The following PTPRD variants were observed in gnomAD, a reference collection of about 807,000 sequenced individuals.
PTPRD encodes protein tyrosine phosphatase receptor type D.
Under a neutral mutation model 214.5 loss-of-function variants are expected in PTPRD, and 34 were observed. The ratio of observed to expected loss-of-function variants is 0.16; its 90% confidence interval spans 0.12 to 0.21. The LOEUF is 0.21. Ranked by LOEUF, PTPRD falls within the 10% of genes least tolerant of loss-of-function variation. The pLI, the probability that PTPRD is intolerant of heterozygous loss-of-function variation, is 1.00. For synonymous variants in PTPRD, 1,128 were observed against 845.7 expected, an observed-to-expected ratio of 1.33 and a Z score of -5.79; for missense variants, 2,545 against 2,398.7, an observed-to-expected ratio of 1.06 and a Z score of -1.27.
At chr9:8,333,641 A>ATAAT (rs144813565) in intron 43 of PTPRD, among the ~76,000 whole-genome samples, 6,267 of 152,210 alleles carry the variant, frequency 0.041, 425 homozygotes, top group African/African-American at 0.14. Context: ...AAGAAGCTGC[A>ATAAT]TAATTAATGG....
chr9:9,477,134 T>C (rs1246228602), intron 8 of PTPRD, among the ~76,000 whole-genome samples: 2 of 152,220 alleles, frequency 1.3e-5, no homozygotes, highest in Non-Finnish European at 2.9e-5. Flanking sequence ...TCCAAGAATG[T>C]AGGCCATTGG....
intron 7 of PTPRD, among the ~76,000 whole-genome samples, chr9:9,665,672 T>C (rs772281323): frequency 2.6e-5 from 4 of 151,842 alleles, no homozygotes; most frequent in African/African-American, 7.2e-5. Flanking sequence ...ACATGTAAGA[T>C]ACTCAGAATA....
chr9:9,490,379 A>G (rs989575868), intron 8 of PTPRD, among the ~76,000 whole-genome samples: 1 of 152,104 alleles, frequency 6.6e-6, no homozygotes, highest in Admixed American at 6.6e-5. Flanking sequence ...TTGTAATGAC[A>G]GTTTTTAATT....
intron 14 of PTPRD, among the ~76,000 whole-genome samples, chr9:8,613,405 G>C (rs113154380): frequency 5.7e-4 from 87 of 152,214 alleles, no homozygotes; most frequent in African/African-American, 2.0e-3. Context: ...CTGGGAAACA[G>C]AGCACTTCAA....
intron 12 of PTPRD, among the ~76,000 whole-genome samples, chr9:8,689,667 G>A (rs1356509588): frequency 6.6e-6 from 1 of 152,146 alleles, no homozygotes; most frequent in Non-Finnish European, 1.5e-5. Flanking sequence ...GGGAATTATA[G>A]GAGTACAATT....
At chr9:10,525,727 A>AGTGTGTGTGTGTGTGTGT (rs398010299) in intron 2 of PTPRD, among the ~76,000 whole-genome samples, 7,153 of 146,852 alleles carry the variant, frequency 0.049, 194 homozygotes, top group Middle Eastern at 0.077. Flanking sequence ...AGATTTTCAA[A>AGTGTGTGTGTGTGTGTGT]GTGTGTGTGT....
intron 9 of PTPRD, among the ~76,000 whole-genome samples, chr9:9,302,097 G>C (rs796296681): frequency 5.9e-5 from 9 of 152,054 alleles, no homozygotes; most frequent in African/African-American, 2.2e-4. Flanking sequence ...TAAATGTCAA[G>C]GGTTATCTAT....
intron 14 of PTPRD, among the ~76,000 whole-genome samples, chr9:8,594,078 T>C (rs2094318435): frequency 6.6e-6 from 1 of 152,206 alleles, no homozygotes; most frequent in African/African-American, 2.4e-5. Context: ...ATTGATGTAA[T>C]ATATAATGCC....
At chr9:9,247,998 T>C (rs935851202) in intron 9 of PTPRD, among the ~76,000 whole-genome samples, 5 of 152,064 alleles carry the variant, frequency 3.3e-5, no homozygotes, top group African/African-American at 1.2e-4. Context: ...TGTTCATGAT[T>C]CTCTTTATAT....
chr9:9,843,228 C>A (rs1161333406), intron 5 of PTPRD, among the ~76,000 whole-genome samples: 1 of 151,938 alleles, frequency 6.6e-6, no homozygotes, highest in East Asian at 1.9e-4. Context: ...GAATTCAGGT[C>A]AAAGTTGTTT....
intron 36 of PTPRD, among the ~76,000 whole-genome samples, chr9:8,398,911 G>T (rs1343745695): frequency 1.3e-5 from 2 of 152,056 alleles, no homozygotes; most frequent in African/African-American, 4.8e-5. Context: ...CTAAGACATG[G>T]ATCCCTATTT....
intron 2 of PTPRD, among the ~76,000 whole-genome samples, chr9:10,472,041 C>G (rs2099034402): frequency 6.6e-6 from 1 of 151,946 alleles, no homozygotes; most frequent in Non-Finnish European, 1.5e-5. Context: ...TATGAGATAT[C>G]ACAAAATGAT....
At chr9:10,511,801 T>C (rs1055418744) in intron 2 of PTPRD, among the ~76,000 whole-genome samples, 1 of 149,362 alleles carries the variant, frequency 6.7e-6, no homozygotes, top group Admixed American at 6.7e-5. Flanking sequence ...ACATGTCCTT[T>C]ACTCAACTTC....
At chr9:9,437,602 C>T (rs1362767989) in intron 8 of PTPRD, among the ~76,000 whole-genome samples, 1 of 152,202 alleles carries the variant, frequency 6.6e-6, no homozygotes, top group African/African-American at 2.4e-5. Flanking sequence ...GACTATCACA[C>T]TTCTTGGGAT....
chr9:8,506,049 C>T (rs1236882538), intron 22 of PTPRD, among the ~76,000 whole-genome samples: 1 of 152,184 alleles, frequency 6.6e-6, no homozygotes, highest in Non-Finnish European at 1.5e-5. Context: ...TCTAAAACCA[C>T]TGCATTTAAA....
intron 3 of PTPRD, among the ~76,000 whole-genome samples, chr9:10,095,064 A>C (rs772226014): frequency 2.2e-4 from 33 of 151,528 alleles, no homozygotes; most frequent in Non-Finnish European, 4.0e-4. Context: ...AAAAAATAGA[A>C]AACTATGCAC....
intron 8 of PTPRD, among the ~76,000 whole-genome samples, chr9:9,453,146 C>T (rs2092493585): frequency 6.6e-6 from 1 of 151,186 alleles, no homozygotes. Flanking sequence ...TTTCAACGCC[C>T]CCCCACACAA....
chr9:9,366,347 T>C (rs901247187), intron 9 of PTPRD, among the ~76,000 whole-genome samples: 1 of 151,518 alleles, frequency 6.6e-6, no homozygotes, highest in Non-Finnish European at 1.5e-5. Context: ...GCTTTATAAA[T>C]AAACAGCACT....
intron 2 of PTPRD, among the ~76,000 whole-genome samples, chr9:10,479,644 A>AATACATAAATACATAAATAC (rs1426491222): frequency 3.3e-4 from 13 of 38,878 alleles, no homozygotes; most frequent in African/African-American, 8.1e-4. Flanking sequence ...TAAATAAATA[A>AATACATAAATACATAAATAC]ATAAATAAAT....
Sources: gnomAD v4.1 joint callset for allele counts (sites outside exome capture counted in the v4.1 genomes callset) on GRCh38, gnomAD v4.1.1 for gene constraint, MANE v1.5 for transcripts, NCBI Gene and HGNC (gene_info 2026-07-23, HGNC 2026-07-21) for gene names.